MRPS28: variants seen among roughly 807,000 people sequenced by gnomAD.
The protein encoded by MRPS28 is mitochondrial ribosomal protein S28.
MRPS28 carries 7 observed loss-of-function variants against 10.8 expected under a neutral mutation model. The ratio of observed to expected loss-of-function variants is 0.65; its 90% CI spans 0.37 to 1.22. The LOEUF is 1.22. Among genes scored for constraint, MRPS28 ranks in the 50% most tolerant of loss-of-function variants. The probability of loss-of-function intolerance (pLI) is 0.02; values close to 1 mark genes in which losing one functional copy is unlikely to be tolerated. For synonymous variants in MRPS28, 121 were observed against 93.3 expected, an observed-to-expected ratio of 1.30 and a Z score of -1.71; for missense variants, 265 against 232.9, an observed-to-expected ratio of 1.14 and a Z score of -0.90.
intron 2 of MRPS28, among the ~76,000 whole-genome samples, chr8:79,963,381 A>AT (rs1339970821): frequency 1.3e-5 from 2 of 152,012 alleles, no homozygotes; most frequent in African/African-American, 2.4e-5. Flanking sequence ...AAAACCACGT[A>AT]TTTTTTTCCA....
In MRPS28 at chr8:79,919,147, T is replaced by C; in HGVS notation, c.397A>G (p.Lys133Glu). 6.4e-7 allele frequency: 1 copy of C among 1,562,532 alleles called. No homozygotes were observed. Among genetic ancestry groups the C allele is most frequent in the Non-Finnish European group, 8.6e-7 (1 of 1,161,548 alleles). ...CGGACCCTGGTTCCTTTCTGGTATTTCCTAAATAGTTAAAAAAAAAAAAAT... is the reference window on the plus strand; with the variant it reads ...CGGACCCTGGTTCCTTTCTGGTATTCCCTAAATAGTTAAAAAAAAAAAAAT... ...VCRRPEVDGE[K>E]YQKGTRVRLR... Residue 133 changes from lysine to glutamate, a missense_variant and splice_region_variant, in exon 3 of 3, where the codon AAA (lysine) becomes GAA (glutamate). Lys to Glu is a moderately conservative substitution (Grantham distance 56). Transcript: ENST00000276585.
At chr8:79,944,332 C>T (rs1346257968) in intron 2 of MRPS28, among the ~76,000 whole-genome samples, 1 of 152,194 alleles carries the variant, frequency 6.6e-6, no homozygotes, top group African/African-American at 2.4e-5. Flanking sequence ...TTCTCCCTTA[C>T]ATGACCCCTT....
At chr8:79,986,813 G>C (rs1290743888) in intron 2 of MRPS28, among the ~76,000 whole-genome samples, 1 of 151,826 alleles carries the variant, frequency 6.6e-6, no homozygotes, top group South Asian at 2.1e-4. Context: ...ATGCTCATGG[G>C]TAGGAAGAAT....
chr8:79,971,329 A>G (rs1164439079), intron 2 of MRPS28, among the ~76,000 whole-genome samples: 1 of 152,202 alleles, frequency 6.6e-6, no homozygotes, highest in African/African-American at 2.4e-5. Flanking sequence ...CTTACACAGA[A>G]AGGTTTTTTT....
At chr8:79,919,173 C>A in intron 2 of MRPS28, 25 bp from the exon 3 acceptor site, 1 of 1,467,210 alleles carries the variant, frequency 6.8e-7, no homozygotes, top group Non-Finnish European at 9.2e-7. Flanking sequence ...AAAAAAAAAT[C>A]CATTAATTCT....
In MRPS28 at chr8:79,923,376, C is replaced by G. The variant is rs568483136; in HGVS notation, c.396-4228G>C. ...CCCTTTAGGAGTGGTAAGAATTTAT[C>G]ACTCCATAGAGTCTTATAATGTCTT... On this transcript the variant is annotated intron_variant, in intron 2 of 2. Coordinates refer to ENST00000276585, the MANE Select transcript of MRPS28 (RefSeq NM_014018.3). Among the ~76,000 whole-genome samples the G allele has an allele frequency of 6.0e-4, 92 of 152,200 alleles. 1 individual carries two copies. Among genetic ancestry groups the G allele is most frequent in the African/African-American group, 2.2e-3 (92 of 41,538 alleles).
At chr8:79,982,645 C>T (rs575518081) in intron 2 of MRPS28, among the ~76,000 whole-genome samples, 3 of 152,180 alleles carry the variant, frequency 2.0e-5, no homozygotes, top group Non-Finnish European at 4.4e-5. Flanking sequence ...CCTATACCCA[C>T]GGAGTCTCGC....
intron 1 of MRPS28, among the ~76,000 whole-genome samples, chr8:80,020,143 G>A (rs1271779765): frequency 6.6e-6 from 1 of 152,188 alleles, no homozygotes; most frequent in Non-Finnish European, 1.5e-5. Flanking sequence ...TGGTTGAAAG[G>A]GTTATTATCA....
At chr8:79,980,491 A>C (rs186136873) in intron 2 of MRPS28, among the ~76,000 whole-genome samples, 35 of 152,354 alleles carry the variant, frequency 2.3e-4, no homozygotes, top group African/African-American at 8.2e-4. Flanking sequence ...ATTCTCATTT[A>C]ATTTGACATT....
intron 2 of MRPS28, among the ~76,000 whole-genome samples, chr8:79,937,432 T>C (rs1481468015): frequency 6.6e-6 from 1 of 152,212 alleles, no homozygotes; most frequent in Non-Finnish European, 1.5e-5. Flanking sequence ...CTTTAAGTTG[T>C]AGTAGGCAAC....
chr8:80,024,379 T>C (rs1192723411), intron 1 of MRPS28, among the ~76,000 whole-genome samples: 2 of 152,172 alleles, frequency 1.3e-5, no homozygotes, highest in Admixed American at 6.5e-5. Flanking sequence ...ACAACCACCA[T>C]ACAGAACAAT....
At chr8:79,990,110 G>C (rs1346332800) in intron 2 of MRPS28, among the ~76,000 whole-genome samples, 1 of 152,146 alleles carries the variant, frequency 6.6e-6, no homozygotes, top group East Asian at 1.9e-4. Context: ...GCAGTGAGCT[G>C]AGATTGCACC....
intron 2 of MRPS28, among the ~76,000 whole-genome samples, chr8:79,947,799 T>G (rs1806962829): frequency 6.6e-6 from 1 of 151,092 alleles, no homozygotes; most frequent in African/African-American, 2.4e-5. Flanking sequence ...TACGCCCGGC[T>G]AATTTTTTTT....
intron 2 of MRPS28, among the ~76,000 whole-genome samples, chr8:79,999,133 T>G (rs915754871): frequency 6.6e-6 from 1 of 152,210 alleles, no homozygotes; most frequent in Non-Finnish European, 1.5e-5. Flanking sequence ...CAATTTAAAA[T>G]GTACCAAAGC....
At chr8:79,922,780 G>T (rs1478745092) in intron 2 of MRPS28, among the ~76,000 whole-genome samples, 1 of 151,882 alleles carries the variant, frequency 6.6e-6, no homozygotes, top group Non-Finnish European at 1.5e-5. Context: ...AGCAAGAGTG[G>T]AAGTACTGCT....
intron 1 of MRPS28, chr8:80,029,694 C>A: frequency 7.3e-7 from 1 of 1,364,054 alleles, no homozygotes; most frequent in Non-Finnish European, 9.7e-7. Context: ...CCGTGTGAGT[C>A]CCATTCTCCT....
At chr8:80,024,701 A>G (rs1429765609) in intron 1 of MRPS28, among the ~76,000 whole-genome samples, 1 of 152,224 alleles carries the variant, frequency 6.6e-6, no homozygotes, top group African/African-American at 2.4e-5. Flanking sequence ...AACTGTTTAA[A>G]TTTCATTCCA....
intron 2 of MRPS28, among the ~76,000 whole-genome samples, chr8:79,951,910 C>A (rs1807088785): frequency 1.3e-5 from 2 of 152,186 alleles, no homozygotes; most frequent in Admixed American, 1.3e-4. Context: ...TATCACAACA[C>A]AATCACAACT....
intron 1 of MRPS28, among the ~76,000 whole-genome samples, chr8:80,008,452 A>G (rs1382111985): frequency 1.3e-5 from 2 of 152,246 alleles, no homozygotes; most frequent in African/African-American, 2.4e-5. Context: ...GAGCTTCTGC[A>G]CAGCCAAAGA....
Sources: allele counts gnomAD v4.1 joint callset (sites outside exome capture counted in the v4.1 genomes callset), GRCh38; gene constraint gnomAD v4.1.1; transcripts MANE v1.5; gene names NCBI Gene and HGNC (gene_info 2026-07-23, HGNC 2026-07-21).